Variants in FSTL5 observed in about 807,000 individuals in gnomAD.
FSTL5 encodes the protein follistatin-related protein 5.
FSTL5 carries 62 observed loss-of-function variants against 89.1 expected under a neutral mutation model. The observed-to-expected ratio is 0.70, with a 90% confidence interval of 0.57 to 0.86. The LOEUF (loss-of-function observed/expected upper bound fraction) is 0.86. Ranked by LOEUF, FSTL5 falls within the 40% of genes least tolerant of loss-of-function variation. The pLI is 0.00. For missense variants in FSTL5, 1,057 were observed against 1,001.6 expected, an observed-to-expected ratio of 1.06 and a Z score of -0.75; for synonymous variants, 383 against 346.2, an observed-to-expected ratio of 1.11 and a Z score of -1.18.
At chr4:161,442,436 A>C (rs776823963) in intron 15 of FSTL5, among the ~76,000 whole-genome samples, 1 of 152,138 alleles carries the variant, frequency 6.6e-6, no homozygotes, top group Non-Finnish European at 1.5e-5. Context: ...CTCAAGTGCC[A>C]CAAATATCTT....
At chr4:161,974,599 A>C (rs35172423) in intron 3 of FSTL5, among the ~76,000 whole-genome samples, 37,045 of 116,918 alleles carry the variant, frequency 0.32, 7,104 homozygotes, top group Non-Finnish European at 0.42. Flanking sequence ...ACAAAAATCA[A>C]TTCAAGATGG....
chr4:161,818,573 T>C (rs993364197), intron 4 of FSTL5, among the ~76,000 whole-genome samples: 1 of 152,192 alleles, frequency 6.6e-6, no homozygotes, highest in Admixed American at 6.5e-5. Context: ...ACAGCCTACC[T>C]GTCTATATGC....
intron 2 of FSTL5, among the ~76,000 whole-genome samples, chr4:162,034,909 A>C (rs150849110): frequency 2.3e-3 from 354 of 152,260 alleles, no homozygotes; most frequent in African/African-American, 8.1e-3. Flanking sequence ...TATTTCTCTC[A>C]TCTAAACTCA....
chr4:161,919,786 C>T (rs1733941304), intron 4 of FSTL5, among the ~76,000 whole-genome samples: 1 of 150,956 alleles, frequency 6.6e-6, no homozygotes, highest in African/African-American at 2.4e-5. Context: ...ATTTATGTGG[C>T]ATGTAAAAAT....
At chr4:162,013,157 C>T (rs1736817483) in intron 3 of FSTL5, among the ~76,000 whole-genome samples, 1 of 151,740 alleles carries the variant, frequency 6.6e-6, no homozygotes, top group South Asian at 2.1e-4. Context: ...CACATTCCAG[C>T]CTGGGCGACA....
At chr4:161,839,464 T>C (rs1216532450) in intron 4 of FSTL5, among the ~76,000 whole-genome samples, 4 of 152,086 alleles carry the variant, frequency 2.6e-5, no homozygotes, top group African/African-American at 9.6e-5. Flanking sequence ...AATAAACAAA[T>C]TGTGGTATAA....
chr4:161,491,608 TG>T (rs1729876731), intron 12 of FSTL5, among the ~76,000 whole-genome samples: 2 of 151,882 alleles, frequency 1.3e-5, no homozygotes, highest in Admixed American at 1.3e-4. Context: ...TGGGAAACTG[TG>T]GTGGGCAAAT....
intron 3 of FSTL5, among the ~76,000 whole-genome samples, chr4:162,008,479 G>C (rs1736673337): frequency 6.6e-6 from 1 of 151,834 alleles, no homozygotes; most frequent in African/African-American, 2.4e-5. Flanking sequence ...TAAGGAGGAT[G>C]CAATAGGGAA....
At chr4:161,431,798 T>C (rs1205855072) in intron 15 of FSTL5, among the ~76,000 whole-genome samples, 4 of 151,774 alleles carry the variant, frequency 2.6e-5, no homozygotes, top group Non-Finnish European at 5.9e-5. Flanking sequence ...TGGAAACCAA[T>C]AAAAGAACAG....
intron 10 of FSTL5, among the ~76,000 whole-genome samples, chr4:161,515,667 G>A (rs1280810446): frequency 6.6e-6 from 1 of 151,384 alleles, no homozygotes; most frequent in Non-Finnish European, 1.5e-5. Flanking sequence ...TTCAAATACT[G>A]TTTCATCATA....
intron 4 of FSTL5, among the ~76,000 whole-genome samples, chr4:161,870,486 CCTGT>C (rs1732230420): frequency 6.6e-6 from 1 of 151,878 alleles, no homozygotes; most frequent in Non-Finnish European, 1.5e-5. Flanking sequence ...TAATCTTGAC[CCTGT>C]CTATTTTATA....
At chr4:161,858,245 C>A (rs1027244141) in intron 4 of FSTL5, among the ~76,000 whole-genome samples, 1 of 152,144 alleles carries the variant, frequency 6.6e-6, no homozygotes, top group Non-Finnish European at 1.5e-5. Context: ...CATGTTGGCA[C>A]CTGATCTTGA....
intron 3 of FSTL5, among the ~76,000 whole-genome samples, chr4:161,992,438 A>G (rs1736138085): frequency 6.6e-6 from 1 of 152,130 alleles, no homozygotes; most frequent in African/African-American, 2.4e-5. Context: ...AAAGCTGATT[A>G]CAAGAATTAA....
chr4:161,610,726 CCTG>C (rs1734603418), intron 7 of FSTL5, among the ~76,000 whole-genome samples: 1 of 152,064 alleles, frequency 6.6e-6, no homozygotes, highest in African/African-American at 2.4e-5. Flanking sequence ...ATAAAGGGAG[CCTG>C]CTGACACATT....
chr4:161,816,635 A>T (rs1041004031), intron 4 of FSTL5, among the ~76,000 whole-genome samples: 1 of 152,202 alleles, frequency 6.6e-6, no homozygotes, highest in African/African-American at 2.4e-5. Context: ...AATAACACAT[A>T]AAAAATTTTC....
At chr4:161,696,473 TG>T (rs1241381110) in intron 6 of FSTL5, among the ~76,000 whole-genome samples, 1 of 152,118 alleles carries the variant, frequency 6.6e-6, no homozygotes, top group African/African-American at 2.4e-5. Context: ...ATTTTAGGAT[TG>T]TTTTTCTGTG....
chr4:161,724,584 T>G (rs1739327089), intron 6 of FSTL5, among the ~76,000 whole-genome samples: 1 of 152,220 alleles, frequency 6.6e-6, no homozygotes, highest in African/African-American at 2.4e-5. Context: ...ATGTATGATT[T>G]TATATCTTCA....
At chr4:162,072,343 C>A (rs1729660981) in intron 2 of FSTL5, among the ~76,000 whole-genome samples, 2 of 151,674 alleles carry the variant, frequency 1.3e-5, no homozygotes, top group Non-Finnish European at 1.5e-5. Flanking sequence ...CAAGAGAATT[C>A]TCATTTTGTT....
chr4:161,571,947 G>C (rs1733028952), intron 8 of FSTL5, among the ~76,000 whole-genome samples: 1 of 152,104 alleles, frequency 6.6e-6, no homozygotes. Context: ...GACAAAATTA[G>C]GCTAGAGACA....
Sources: gnomAD v4.1 joint callset for allele counts (sites outside exome capture counted in the v4.1 genomes callset) on GRCh38, gnomAD v4.1.1 for gene constraint, MANE v1.5 for transcripts, NCBI Gene and HGNC (gene_info 2026-07-23, HGNC 2026-07-21) for gene names.